The following AR variants were observed in gnomAD, a reference collection of about 807,000 sequenced individuals.
The protein encoded by AR is androgen receptor, also known as dihydrotestosterone receptor.
Under a neutral mutation model 53.9 loss-of-function variants are expected in AR, and 8 were observed. The observed-to-expected ratio is 0.15, with a 90% CI of 0.09 to 0.27. The LOEUF is 0.27. Ranked by LOEUF, AR falls within the 10% of genes least tolerant of loss-of-function variation. AR has a pLI of 1.00. For missense variants in AR, 639 were observed against 742.5 expected (o/e 0.86, Z 1.62); for synonymous variants, 359 against 316.4 (o/e 1.13, Z -1.43).
Position 67,546,413 on chromosome X carries a change from G to A in AR, c.1267G>A (p.Gly423Ser), listed in dbSNP as rs1202977049. 2 of 1,183,827 alleles carry A rather than the reference G, an allele frequency of 1.7e-6. No individual in the cohort carries two copies. Among genetic ancestry groups the A allele is most frequent in the African/African-American group, 3.5e-5 (2 of 56,518 alleles). ...GCATGGCGCGGGTGCAGCGGGACCC[G>A]GTTCTGGGTCACCCTCAGCCGCCGC... Reference protein sequence around the residue: ...SLHGAGAAGPGSGSPSAAASS... With the variant: ...SLHGAGAAGPSSGSPSAAASS... Residue 423 changes from glycine to serine, a missense_variant, in exon 1 of 8, where the codon GGT (glycine) becomes AGT (serine). Gly to Ser is a moderately conservative substitution (Grantham distance 56, BLOSUM62 0). This residue lies in a region of AR where 423 missense variants were observed against 377.0 expected (regional missense o/e 1.12). Coordinates refer to ENST00000374690, the MANE Select transcript of AR (RefSeq NM_000044.6).
At chrX:67,674,466 G>A (rs1010043811) in intron 2 of AR, among the ~76,000 whole-genome samples, 1 of 111,163 alleles carries the variant, frequency 9.0e-6, no homozygotes, top group Non-Finnish European at 1.9e-5. Flanking sequence ...TGGTGTCCAG[G>A]AGCCAAGGCC....
At chrX:67,592,649 C>CTT (rs199771080) in intron 1 of AR, among the ~76,000 whole-genome samples, 1 of 88,385 alleles carries the variant, frequency 1.1e-5, no homozygotes. Context: ...AAAAAAAAAA[C>CTT]TTTTTTTTTT....
chrX:67,688,988 T>G (rs2075981539), intron 3 of AR, among the ~76,000 whole-genome samples: 1 of 111,673 alleles, frequency 9.0e-6, no homozygotes, highest in Non-Finnish European at 1.9e-5. Context: ...AATTTTATCT[T>G]CTGATTCCCA....
intron 2 of AR, among the ~76,000 whole-genome samples, chrX:67,645,871 A>C (rs1926033512): frequency 9.0e-6 from 1 of 111,722 alleles, no homozygotes; most frequent in Non-Finnish European, 1.9e-5. Flanking sequence ...GGGCTGTCTT[A>C]TTACCCAAAG....
chrX:67,681,917 G>A (rs1167091887), intron 2 of AR, among the ~76,000 whole-genome samples: 1 of 112,225 alleles, frequency 8.9e-6, no homozygotes, highest in Non-Finnish European at 1.9e-5. Flanking sequence ...TTTCTAGAAT[G>A]CAAGGATGGT....
At chrX:67,564,051 C>T (rs1921450381) in intron 1 of AR, among the ~76,000 whole-genome samples, 1 of 111,693 alleles carries the variant, frequency 9.0e-6, no homozygotes, top group African/African-American at 3.3e-5. Flanking sequence ...CAAAAACAAG[C>T]CTCTTAGCAT....
At chrX:67,551,680 TATG>T (rs1450263671) in intron 1 of AR, among the ~76,000 whole-genome samples, 1 of 112,143 alleles carries the variant, frequency 8.9e-6, no homozygotes, top group African/African-American at 3.2e-5. Context: ...TTAGATTTTC[TATG>T]ATATTTGTTT....
chrX:67,576,871 G>GA (rs1436563385), intron 1 of AR, among the ~76,000 whole-genome samples: 4 of 108,783 alleles, frequency 3.7e-5, no homozygotes, highest in Admixed American at 9.8e-5. Flanking sequence ...CTCTCTCTTG[G>GA]AAAAAAAATT....
intron 3 of AR, among the ~76,000 whole-genome samples, chrX:67,691,531 G>T (rs2075995450): frequency 8.9e-6 from 1 of 111,843 alleles, no homozygotes; most frequent in African/African-American, 3.3e-5. Context: ...GATTCCCGAA[G>T]TTGATTCAAC....
At chrX:67,603,559 A>G (rs1923479483) in intron 1 of AR, among the ~76,000 whole-genome samples, 1 of 111,966 alleles carries the variant, frequency 8.9e-6, no homozygotes, top group South Asian at 3.7e-4. Context: ...ACATCATCAT[A>G]TGGGATAATT....
chrX:67,560,146 G>A (rs759944063), intron 1 of AR, among the ~76,000 whole-genome samples: 6 of 111,228 alleles, frequency 5.4e-5, no homozygotes, highest in African/African-American at 9.8e-5. Context: ...ATTGAGCAGG[G>A]TGGACTCTTC....
chrX:67,702,690 G>A (rs777068480), intron 3 of AR, among the ~76,000 whole-genome samples: 3 of 112,191 alleles, frequency 2.7e-5, no homozygotes, highest in African/African-American at 9.7e-5. Flanking sequence ...CCCTACCCTA[G>A]TTGTTGGTCC....
In AR at chrX:67,596,838, A is replaced by C. The variant is rs189240574; in HGVS notation, c.1617-46418A>C. Among the ~76,000 whole-genome samples, 456 of 112,168 alleles carry C rather than the reference A, an allele frequency of 4.1e-3. 2 individuals are homozygous for C. Among genetic ancestry groups the C allele is most frequent in the Non-Finnish European group, 7.0e-3 (371 of 53,204 alleles). On this transcript the variant is annotated intron_variant, in intron 1 of 7. Transcript: ENST00000374690. ...AGCAATAAAGTGTACCCTGATTTGC[A>C]CTGAAAATAAAGATTCCTTTAAAGG...
intron 2 of AR, chrX:67,680,835 C>T: frequency 3.1e-6 from 1 of 321,715 alleles, no homozygotes; most frequent in Admixed American, 3.2e-5. Flanking sequence ...AGAAATCCTA[C>T]AGAGAAACAA....
intron 3 of AR, among the ~76,000 whole-genome samples, chrX:67,705,194 T>A (rs1278318314): frequency 5.4e-5 from 6 of 111,757 alleles, no homozygotes; most frequent in African/African-American, 2.0e-4. Flanking sequence ...AAGTCATTGA[T>A]AGCTTGATGG....
At chrX:67,586,070 C>CAG (rs1468637611) in intron 1 of AR, among the ~76,000 whole-genome samples, 1 of 111,397 alleles carries the variant, frequency 9.0e-6, no homozygotes, top group Non-Finnish European at 1.9e-5. Flanking sequence ...CCTTGAAGGA[C>CAG]AGAGAGAGCC....
intron 5 of AR, among the ~76,000 whole-genome samples, chrX:67,719,288 A>G (rs2076126182): frequency 1.8e-5 from 2 of 111,529 alleles, no homozygotes; most frequent in Non-Finnish European, 3.8e-5. Context: ...CTAACTGTTC[A>G]TCTCCCATCC....
At chrX:67,630,777 C>T (rs192616700) in intron 1 of AR, among the ~76,000 whole-genome samples, 165 of 110,509 alleles carry the variant, frequency 1.5e-3, no homozygotes, top group Non-Finnish European at 2.3e-3. Context: ...GCGGCTGGTA[C>T]CGGTCGTTCC....
chrX:67,646,150 G>C (rs993689070), intron 2 of AR, among the ~76,000 whole-genome samples: 1 of 111,715 alleles, frequency 9.0e-6, no homozygotes, highest in African/African-American at 3.3e-5. Flanking sequence ...TAAAAGCCTG[G>C]CATCTCAGAC....
Sources: gnomAD v4.1 joint callset for allele counts (sites outside exome capture counted in the v4.1 genomes callset) on GRCh38, gnomAD v4.1.1 for gene constraint, gnomAD v4.1.1 regional missense constraint, MANE v1.5 for transcripts, NCBI Gene and HGNC (gene_info 2026-07-23, HGNC 2026-07-21) for gene names.